The following SPP2 variants were observed in gnomAD, a reference collection of about 807,000 sequenced individuals.
SPP2 encodes secreted phosphoprotein 24.
Under a neutral mutation model 28.8 loss-of-function variants are expected in SPP2, and 34 were observed. That is an observed-to-expected ratio of 1.18 (90% CI 0.90 to 1.57). The LOEUF is 1.57. Ranked by LOEUF, SPP2 falls within the 40% of genes most tolerant of loss-of-function variation. The pLI is 0.00. For missense variants in SPP2, 269 were observed against 263.9 expected, an observed-to-expected ratio of 1.02 and a Z score of -0.13; for synonymous variants, 96 against 89.4, an observed-to-expected ratio of 1.07 and a Z score of -0.42.
chr2:234,050,975 C>T lies in SPP2; in HGVS notation c.90C>T (p.Phe30=), dbSNP rs767876351. 1.2e-6 allele frequency: 2 copies of T among 1,614,002 alleles called. No homozygotes were observed. The highest frequency in any genetic ancestry group is 1.3e-5 in the African/African-American group (1 of 75,048). The part of the protein sequence containing the change: ...LGMNYWSCSG[F]PVYDYDPSSL... ...CCCATGTGCTTGCGTGTCCAGGTTT[C>T]CCAGTGTACGACTACGATCCATCCT... The change falls in exon 2 of 8, where the codon TTC becomes TTT. Residue 30 remains phenylalanine (F), a synonymous_variant. Coordinates refer to ENST00000168148, the MANE Select transcript of SPP2 (RefSeq NM_006944.3).
intron 2 of SPP2, among the ~76,000 whole-genome samples, chr2:234,051,891 T>C (rs567956134): frequency 2.6e-5 from 4 of 152,156 alleles, no homozygotes; most frequent in Non-Finnish European, 5.9e-5. Flanking sequence ...AGATGGACAT[T>C]GCTTTCTCTC....
At chr2:234,073,297 G>T (rs775397708) in intron 7 of SPP2, among the ~76,000 whole-genome samples, 3 of 152,146 alleles carry the variant, frequency 2.0e-5, no homozygotes, top group Non-Finnish European at 4.4e-5. Flanking sequence ...AATATCTTTT[G>T]TCCATTTCAT....
rs746108865 is a variant in SPP2 at position 234,060,486 on chromosome 2, C to T, written c.444+7C>T. 2 of 1,609,734 alleles carry T rather than the reference C, an allele frequency of 1.2e-6. No homozygotes were observed. The highest frequency in any genetic ancestry group is 2.2e-5 in the South Asian group (2 of 90,874). On this transcript the variant is annotated splice_region_variant and intron_variant, in intron 4 of 7. Coordinates refer to ENST00000168148, the MANE Select transcript of SPP2 (RefSeq NM_006944.3). ...GTCTTACAGCAGCGAAGAGGTATGA[C>T]TGGGGCCTTGTCTCCTCCCAGACCG...
chr2:234,075,162 CTGAGAA>C (rs1361615781), intron 7 of SPP2, among the ~76,000 whole-genome samples: 1 of 152,090 alleles, frequency 6.6e-6, no homozygotes, highest in African/African-American at 2.4e-5. Flanking sequence ...CCGTGCCTGT[CTGAGAA>C]TGAGTGAGAA....
intron 2 of SPP2, among the ~76,000 whole-genome samples, chr2:234,054,033 G>A (rs1004358174): frequency 1.3e-5 from 2 of 152,350 alleles, no homozygotes; most frequent in African/African-American, 4.8e-5. Context: ...AGGTTGACAT[G>A]ATAGGCCTTG....
intron 2 of SPP2, chr2:234,055,912 T>A (rs1357802258): frequency 1.3e-5 from 2 of 152,176 alleles, no homozygotes; most frequent in Admixed American, 1.3e-4. Context: ...TAAGTTTTTT[T>A]ATTATACTTT....
At chr2:234,066,660 C>T in intron 5 of SPP2, 73 bp downstream of exon 5, 1 of 1,083,768 alleles carries the variant, frequency 9.2e-7, no homozygotes, top group South Asian at 1.4e-5. Context: ...GTTAGTGAGT[C>T]ATTTAAAACT....
chr2:234,052,392 A>G (rs1365099710), intron 2 of SPP2, among the ~76,000 whole-genome samples: 1 of 152,170 alleles, frequency 6.6e-6, no homozygotes, highest in Non-Finnish European at 1.5e-5. Context: ...GTTTAAATTT[A>G]CTTTTGATTT....
At chr2:234,066,406 C>G in intron 4 of SPP2, 127 bp from the exon 5 acceptor site, 1 of 752,116 alleles carries the variant, frequency 1.3e-6, no homozygotes, top group South Asian at 1.6e-5. Flanking sequence ...TAACGTATTG[C>G]CTATTTCATT....
rs146186082 is a variant in SPP2, at chr2:234,074,807, T to G, written c.*11-2038T>G. 2.0e-3 allele frequency among the ~76,000 whole-genome samples: 300 copies of G among 152,304 alleles called. 2 individuals are homozygous for G. The highest frequency in any genetic ancestry group is 2.5e-3 in the Non-Finnish European group (170 of 68,030). On this transcript the variant is annotated intron_variant, in intron 7 of 7. Transcript: ENST00000168148. ...GTTTCTGTTTAGATGCCGTATTTAATAGATACTGTTGACTCATTAACAATG... is the reference window on the plus strand; with the variant it reads ...GTTTCTGTTTAGATGCCGTATTTAAGAGATACTGTTGACTCATTAACAATG...
At chr2:234,067,367 T>TA in intron 6 of SPP2, 93 bp downstream of exon 6, 1 of 1,148,952 alleles carries the variant, frequency 8.7e-7, no homozygotes, top group Non-Finnish European at 1.3e-6. Flanking sequence ...TCCTGTTTCA[T>TA]AGGAGTTAAA....
At chr2:234,073,965 A>G (rs1690846393) in intron 7 of SPP2, among the ~76,000 whole-genome samples, 1 of 152,216 alleles carries the variant, frequency 6.6e-6, no homozygotes. Flanking sequence ...ACAGCTCTCA[A>G]GTATGCCTGG....
chr2:234,070,196 A>G (rs1476497035), intron 7 of SPP2, among the ~76,000 whole-genome samples, 173 bp downstream of exon 7: 3 of 152,142 alleles, frequency 2.0e-5, no homozygotes, highest in Non-Finnish European at 4.4e-5. Context: ...AATCTCATGC[A>G]CCCTCAATCT....
intron 7 of SPP2, among the ~76,000 whole-genome samples, chr2:234,070,409 A>G (rs1199152919): frequency 6.6e-6 from 1 of 152,132 alleles, no homozygotes; most frequent in African/African-American, 2.4e-5. Context: ...CTCACCTCAC[A>G]TCTATGAAAT....
Position 234,050,944 on chromosome 2 carries a change from CTGTGCCCCA to C in SPP2, c.86-21_86-13del. 6.2e-7 allele frequency: 1 copy of C among 1,614,000 alleles called. No individual in the cohort carries two copies. Among genetic ancestry groups the C allele is most frequent in the Non-Finnish European group, 8.5e-7 (1 of 1,179,900 alleles). On this transcript the variant is annotated intron_variant, in intron 1 of 7. Transcript: ENST00000168148. ...ATGCTGGCGCCTGTGTCTTGTCTCACTGTGCCCCATGTGCTTGCGTGTCCAGGTTTCCCA... is the reference window on the plus strand; with the variant it reads ...ATGCTGGCGCCTGTGTCTTGTCTCACTGTGCTTGCGTGTCCAGGTTTCCCA...
chr2:234,055,379 C>T (rs1693585716), intron 2 of SPP2, among the ~76,000 whole-genome samples: 1 of 152,176 alleles, frequency 6.6e-6, no homozygotes, highest in South Asian at 2.1e-4. Flanking sequence ...ATGAAGCCCA[C>T]CCACATAATG....
intron 7 of SPP2, among the ~76,000 whole-genome samples, chr2:234,070,881 T>C (rs1056207354): frequency 1.3e-5 from 2 of 152,192 alleles, no homozygotes; most frequent in Non-Finnish European, 2.9e-5. Flanking sequence ...CAATGATGCA[T>C]AATTATTTCC....
chr2:234,060,294 T>A, intron 3 of SPP2, 75 bp from the exon 4 acceptor site: 1 of 968,680 alleles, frequency 1.0e-6, no homozygotes, highest in East Asian at 2.5e-5. Flanking sequence ...ACATTTATTT[T>A]CCTGATTTAC....
chr2:234,053,169 G>A (rs1034753951), intron 2 of SPP2, among the ~76,000 whole-genome samples: 2 of 134,942 alleles, frequency 1.5e-5, no homozygotes, highest in Admixed American at 7.6e-5. Flanking sequence ...AAAGAATAAC[G>A]GTGAAAAAAA....
Sources: gnomAD v4.1 joint callset for allele counts (sites outside exome capture counted in the v4.1 genomes callset) on GRCh38, gnomAD v4.1.1 for gene constraint, MANE v1.5 for transcripts, NCBI Gene and HGNC (gene_info 2026-07-23, HGNC 2026-07-21) for gene names.